Variants in SAMMSON observed in about 807,000 individuals in gnomAD.
The protein encoded by SAMMSON is long intergenic non-protein coding RNA 1212.
chr3:70,251,913 A>G (rs1701772881), intron 6 of SAMMSON, among the ~76,000 whole-genome samples: 1 of 152,178 alleles, frequency 6.6e-6, no homozygotes, highest in Non-Finnish European at 1.5e-5. Flanking sequence ...GTCTTGTTAC[A>G]CTGTAATTAT....
intron 6 of SAMMSON, among the ~76,000 whole-genome samples, chr3:70,253,850 G>A (rs902206983): frequency 6.6e-6 from 1 of 152,108 alleles, no homozygotes; most frequent in African/African-American, 2.4e-5. Context: ...TATTAAATAA[G>A]CTTAAGTGAA....
At chr3:70,346,311 GT>G (rs3050213) in intron 7 of SAMMSON, among the ~76,000 whole-genome samples, 16,034 of 140,732 alleles carry the variant, frequency 0.11, 921 homozygotes, top group South Asian at 0.17. Flanking sequence ...TTTGCTCATT[GT>G]TTTTTTTTTT....
intron 4 of SAMMSON, among the ~76,000 whole-genome samples, chr3:70,244,092 T>C (rs1260172899): frequency 6.6e-6 from 1 of 152,210 alleles, no homozygotes; most frequent in Non-Finnish European, 1.5e-5. Context: ...CTAACCTCCC[T>C]GCTCTTCGGT....
intron 9 of SAMMSON, among the ~76,000 whole-genome samples, chr3:70,362,016 T>C (rs1314109011): frequency 6.6e-6 from 1 of 152,146 alleles, no homozygotes; most frequent in Non-Finnish European, 1.5e-5. Context: ...CCGAGATGAA[T>C]GTTTACACCT....
At chr3:70,276,050 G>T (rs549927296) in intron 6 of SAMMSON, among the ~76,000 whole-genome samples, 109 of 152,016 alleles carry the variant, frequency 7.2e-4, no homozygotes, top group Middle Eastern at 6.8e-3. Context: ...TTAAAAAAAA[G>T]TATATATACT....
chr3:70,195,353 A>G (rs1248587118), intron 4 of SAMMSON, among the ~76,000 whole-genome samples: 1 of 152,204 alleles, frequency 6.6e-6, no homozygotes, highest in African/African-American at 2.4e-5. Flanking sequence ...TAACATGGTC[A>G]TCAAACAGGA....
intron 4 of SAMMSON, among the ~76,000 whole-genome samples, chr3:70,219,974 C>T (rs1016101925): frequency 1.1e-4 from 17 of 151,934 alleles, no homozygotes; most frequent in Non-Finnish European, 4.4e-5. Flanking sequence ...TGCTCCACTG[C>T]CTAAAATTTA....
intron 3 of SAMMSON, among the ~76,000 whole-genome samples, chr3:70,061,883 CT>C (rs2067191752): frequency 1.3e-5 from 2 of 152,078 alleles, no homozygotes; most frequent in Admixed American, 6.6e-5. Context: ...CTCCCAAGTT[CT>C]TTTTTCCTTT....
rs192436923 is a variant in SAMMSON, at chr3:70,092,178, C to T, written n.507+20613C>T. ...TGATACTTGCTTTGAAATTAAGTCA[C>T]GAAATGAGAGTGGAATTAGATGAGG... On this transcript the variant is annotated intron_variant and non_coding_transcript_variant, in intron 4 of 9. Coordinates refer to ENST00000642114, the Ensembl canonical transcript of SAMMSON. Among the ~76,000 whole-genome samples, 24 of 151,942 alleles carry T rather than the reference C, an allele frequency of 1.6e-4. No individual in the cohort carries two copies. In the East Asian group the frequency reaches 2.5e-3, roughly 16 times the overall value.
chr3:70,354,388 G>A (rs987554181), intron 8 of SAMMSON: 5 of 152,130 alleles, frequency 3.3e-5, no homozygotes, highest in Non-Finnish European at 5.9e-5. Context: ...ATCAAATGAA[G>A]AGTAAAATGA....
intron 4 of SAMMSON, among the ~76,000 whole-genome samples, chr3:70,239,114 G>A (rs1247516923): frequency 6.6e-6 from 1 of 152,164 alleles, no homozygotes; most frequent in Non-Finnish European, 1.5e-5. Context: ...TGTGGTTTCT[G>A]CTGAACTGGT....
At chr3:70,400,332 G>T (rs751160611) in intron 2 of SAMMSON, among the ~76,000 whole-genome samples, 4 of 152,160 alleles carry the variant, frequency 2.6e-5, no homozygotes, top group Non-Finnish European at 4.4e-5. Context: ...CTCATGAACG[G>T]ATCAATGCCC....
intron 3 of SAMMSON, among the ~76,000 whole-genome samples, chr3:70,015,963 T>C (rs373392208): frequency 5.9e-5 from 9 of 152,214 alleles, no homozygotes; most frequent in Non-Finnish European, 8.8e-5. Flanking sequence ...CAGTCTGTCA[T>C]TGATGGACAT....
chr3:70,046,692 T>C (rs1317515765), intron 3 of SAMMSON, among the ~76,000 whole-genome samples: 2 of 152,140 alleles, frequency 1.3e-5, no homozygotes, highest in Admixed American at 1.3e-4. Context: ...CAACAATACG[T>C]ATTTATTATT....
chr3:70,331,604 G>C (rs1702621924), intron 7 of SAMMSON, among the ~76,000 whole-genome samples: 1 of 152,198 alleles, frequency 6.6e-6, no homozygotes, highest in Non-Finnish European at 1.5e-5. Flanking sequence ...CACAAATCTT[G>C]TCAGAGATGT....
At chr3:70,142,759 G>T (rs2067533043) in intron 4 of SAMMSON, among the ~76,000 whole-genome samples, 1 of 152,136 alleles carries the variant, frequency 6.6e-6, no homozygotes, top group Non-Finnish European at 1.5e-5. Context: ...CTTGGTATCT[G>T]TTGTGTGGGA....
At chr3:70,323,563 G>A (rs1032543799) in intron 7 of SAMMSON, among the ~76,000 whole-genome samples, 2 of 152,140 alleles carry the variant, frequency 1.3e-5, no homozygotes, top group African/African-American at 4.8e-5. Context: ...TTGAAACATG[G>A]CAACTTGGCA....
At chr3:70,124,347 T>A (rs2067446722) in intron 4 of SAMMSON, among the ~76,000 whole-genome samples, 1 of 152,206 alleles carries the variant, frequency 6.6e-6, no homozygotes, top group South Asian at 2.1e-4. Flanking sequence ...GTTACAGGTG[T>A]GACTAATCAC....
chr3:70,277,165 C>T (rs1399048042), intron 6 of SAMMSON, among the ~76,000 whole-genome samples: 1 of 152,134 alleles, frequency 6.6e-6, no homozygotes, highest in Admixed American at 6.6e-5. Flanking sequence ...TCCTGATAGG[C>T]TCCTAAGGAT....
Sources: allele counts gnomAD v4.1 joint callset (sites outside exome capture counted in the v4.1 genomes callset), GRCh38; gene constraint gnomAD v4.1.1; transcripts MANE v1.5; gene names NCBI Gene and HGNC (gene_info 2026-07-23, HGNC 2026-07-21).